The following CNNM1 variants were observed in gnomAD, a reference collection of about 807,000 sequenced individuals.
CNNM1 encodes the protein metal transporter CNNM1.
In CNNM1, 44 loss-of-function variants were observed where a neutral mutation model predicts 78.8. The ratio of observed to expected loss-of-function variants is 0.56; its 90% confidence interval spans 0.44 to 0.72. The LOEUF (loss-of-function observed/expected upper bound fraction) is 0.72, where lower values mean the gene tolerates loss of function less well. Ranked by LOEUF, CNNM1 falls within the 30% of genes least tolerant of loss-of-function variation. CNNM1 has a pLI of 0.00. For missense variants in CNNM1, 1,101 were observed against 1,292.2 expected (o/e 0.85, Z 2.27); for synonymous variants, 584 against 581.5 (o/e 1.00, Z -0.06).
chr10:99,332,800 C>A (rs987957468), intron 1 of CNNM1, among the ~76,000 whole-genome samples: 2 of 152,178 alleles, frequency 1.3e-5, no homozygotes, highest in African/African-American at 4.8e-5. Flanking sequence ...TATATGGCAG[C>A]TATTTTAGTC....
chr10:99,373,291 G>A (rs575615866), intron 6 of CNNM1, among the ~76,000 whole-genome samples: 39 of 152,250 alleles, frequency 2.6e-4, no homozygotes, highest in African/African-American at 8.7e-4. Context: ...TTGAGGAATG[G>A]TGGTGATTCT....
intron 7 of CNNM1, among the ~76,000 whole-genome samples, chr10:99,382,837 A>G (rs1334221937): frequency 6.6e-6 from 1 of 152,210 alleles, no homozygotes; most frequent in Non-Finnish European, 1.5e-5. Flanking sequence ...TGCTAAGTCA[A>G]AAAGTCCAGA....
chr10:99,360,727 T>G (rs773258090), intron 2 of CNNM1, 108 bp from the exon 3 acceptor site: 33 of 1,386,846 alleles, frequency 2.4e-5, no homozygotes, highest in Non-Finnish European at 3.1e-5. Context: ...ATGTCACCCA[T>G]AGTTGACACT....
Position 99,329,435 on chromosome 10 carries a change from G to A in CNNM1, c.48G>A (p.Arg16=). ...CAGCAGCGGTGGGTGTCAGGCTCCGGGACTGCTGCAGCCGAGGCGCTGTGC... is the reference window on the plus strand; with the variant it reads ...CAGCAGCGGTGGGTGTCAGGCTCCGAGACTGCTGCAGCCGAGGCGCTGTGC... ...AAAAAVGVRL[R]DCCSRGAVLL... is the part of the protein sequence containing the mutation. The change falls in exon 1 of 11, where the codon CGG becomes CGA. Residue 16 remains arginine, a synonymous_variant. Coordinates refer to ENST00000356713, the MANE Select transcript of CNNM1 (RefSeq NM_020348.3). 8.3e-7 allele frequency: 1 copy of A among 1,203,546 alleles called. No individual in the cohort carries two copies. The highest frequency in any genetic ancestry group is 1.6e-5 in the African/African-American group (1 of 62,834). 74.6% of individuals were successfully genotyped at this position (1,203,546 alleles called of 1,614,324 possible).
intron 1 of CNNM1, among the ~76,000 whole-genome samples, chr10:99,340,407 A>AT (rs1380542427): frequency 2.0e-5 from 3 of 152,102 alleles, no homozygotes; most frequent in Admixed American, 6.5e-5. Context: ...GTTAAATTCC[A>AT]TTTTTTCCAT....
At chr10:99,383,290 C>T (rs1295393216) in intron 7 of CNNM1, among the ~76,000 whole-genome samples, 1 of 152,000 alleles carries the variant, frequency 6.6e-6, no homozygotes, top group African/African-American at 2.4e-5. Flanking sequence ...ACTCTGTCCC[C>T]CAGGCTGGAG....
At chr10:99,355,932 A>G (rs1432482331) in intron 1 of CNNM1, among the ~76,000 whole-genome samples, 2 of 152,228 alleles carry the variant, frequency 1.3e-5, no homozygotes, top group Non-Finnish European at 2.9e-5. Flanking sequence ...TGTAGTTTAT[A>G]GTCTTTTCAC....
chr10:99,366,556 G>A (rs149570597), intron 6 of CNNM1, among the ~76,000 whole-genome samples: 1 of 152,082 alleles, frequency 6.6e-6, no homozygotes, highest in Non-Finnish European at 1.5e-5. Context: ...GGCCAGGACG[G>A]GTGGATCACA....
intron 10 of CNNM1, 67 bp downstream of exon 10, chr10:99,390,474 G>A (rs1241300043): frequency 5.2e-6 from 6 of 1,164,592 alleles, no homozygotes; most frequent in Non-Finnish European, 7.6e-6. Flanking sequence ...AAGCATGTTA[G>A]CATCTTCCTC....
chr10:99,349,814 C>T (rs2030865195), intron 1 of CNNM1, among the ~76,000 whole-genome samples: 1 of 152,160 alleles, frequency 6.6e-6, no homozygotes, highest in Non-Finnish European at 1.5e-5. Flanking sequence ...TCCTGGCTAA[C>T]ACGGTGAAAC....
At chr10:99,344,964 C>T (rs905917071) in intron 1 of CNNM1, among the ~76,000 whole-genome samples, 2 of 152,166 alleles carry the variant, frequency 1.3e-5, no homozygotes, top group African/African-American at 4.8e-5. Context: ...AGTATGTGCC[C>T]ATTGCTCTTA....
In CNNM1 at chr10:99,393,900, T is replaced by G. The variant is rs1374693285; in HGVS notation, c.*2384T>G. 5 of 152,288 alleles carry G rather than the reference T, an allele frequency of 3.3e-5. No homozygotes were observed. The highest frequency in any genetic ancestry group is 1.2e-4 in the African/African-American group (5 of 41,464). The allele number at this position is 152,288 out of a possible 1,614,324, so 9.4% of individuals were successfully genotyped here. On this transcript the variant is annotated 3_prime_UTR_variant, in exon 11 of 11. Transcript: ENST00000356713. Reference sequence around the variant, plus strand: ...CCTGGCCTGGCCTGAGGCTCAGCAGTGCATGACTTCTCGTAGATAACTTCA... The same window carrying G: ...CCTGGCCTGGCCTGAGGCTCAGCAGGGCATGACTTCTCGTAGATAACTTCA...
chr10:99,360,046 A>T (rs890168149), intron 2 of CNNM1, among the ~76,000 whole-genome samples: 1 of 152,064 alleles, frequency 6.6e-6, no homozygotes, highest in Non-Finnish European at 1.5e-5. Context: ...CAATAATTAC[A>T]TGCCTGATAC....
chr10:99,376,527 A>G (rs1259690060), intron 6 of CNNM1, among the ~76,000 whole-genome samples: 1 of 152,214 alleles, frequency 6.6e-6, no homozygotes, highest in East Asian at 1.9e-4. Context: ...CTGTGCTGTG[A>G]CAGATGGTTT....
chr10:99,352,567 G>A (rs947325586), intron 1 of CNNM1, among the ~76,000 whole-genome samples: 2 of 152,126 alleles, frequency 1.3e-5, no homozygotes, highest in African/African-American at 4.8e-5. Context: ...CATCTTGTGG[G>A]TATAAAGTAT....
At chr10:99,361,754 C>T (rs2031441784) in intron 3 of CNNM1, among the ~76,000 whole-genome samples, 2 of 152,228 alleles carry the variant, frequency 1.3e-5, no homozygotes, top group Middle Eastern at 3.4e-3. Flanking sequence ...AATGATGCCT[C>T]ACATTATTGA....
At chr10:99,389,416 C>CAAAAA (rs56180037) in intron 9 of CNNM1, among the ~76,000 whole-genome samples, 2 of 84,018 alleles carry the variant, frequency 2.4e-5, no homozygotes, top group African/African-American at 4.5e-5. Flanking sequence ...GATTCCATCT[C>CAAAAA]AAAAAAAAAA....
intron 9 of CNNM1, 111 bp from the exon 10 acceptor site, chr10:99,390,195 C>T: frequency 2.6e-6 from 2 of 759,888 alleles, no homozygotes; most frequent in African/African-American, 3.4e-5. Flanking sequence ...CTCACCTTGG[C>T]TCACGTCTTA....
chr10:99,367,563 AT>A (rs1232573179), intron 6 of CNNM1, among the ~76,000 whole-genome samples: 1 of 152,170 alleles, frequency 6.6e-6, no homozygotes, highest in African/African-American at 2.4e-5. Context: ...ACATTTATAC[AT>A]TTAGAACTAT....
Sources: allele counts gnomAD v4.1 joint callset (sites outside exome capture counted in the v4.1 genomes callset), GRCh38; gene constraint gnomAD v4.1.1; transcripts MANE v1.5; gene names NCBI Gene and HGNC (gene_info 2026-07-23, HGNC 2026-07-21).